Variants in RTN4RL1 observed in about 807,000 individuals in gnomAD.
RTN4RL1 encodes reticulon 4 receptor like 1, also known as reticulon-4 receptor-like 1.
In RTN4RL1, 7 loss-of-function variants were observed where a neutral mutation model predicts 25.6. The ratio of observed to expected loss-of-function variants is 0.27; its 90% CI spans 0.16 to 0.51. The LOEUF is 0.51. RTN4RL1 is among the 20% of genes least tolerant of loss of function. RTN4RL1 has a pLI of 0.97. For synonymous variants in RTN4RL1, 297 were observed against 288.2 expected (o/e 1.03, Z -0.31); for missense variants, 500 against 615.6 (o/e 0.81, Z 1.99).
intron 1 of RTN4RL1, among the ~76,000 whole-genome samples, chr17:1,952,336 T>G (rs139391595): frequency 0.45 from 65,489 of 145,094 alleles, 15,649 homozygotes; most frequent in Middle Eastern, 0.59. Flanking sequence ...AGGTTGGTTT[T>G]TTTTTTTTTT....
At chr17:1,995,940 G>A (rs956525130) in intron 1 of RTN4RL1, among the ~76,000 whole-genome samples, 1 of 152,186 alleles carries the variant, frequency 6.6e-6, no homozygotes. Context: ...CAACAGGCCC[G>A]CTTAGAGGCA....
chr17:1,975,161 A>C (rs143026925), intron 1 of RTN4RL1, among the ~76,000 whole-genome samples: 2 of 152,310 alleles, frequency 1.3e-5, no homozygotes, highest in Non-Finnish European at 2.9e-5. Context: ...TGGTACAGGG[A>C]GCCGAGGAAA....
chr17:1,979,331 C>T (rs1210333657), intron 1 of RTN4RL1, among the ~76,000 whole-genome samples: 15 of 151,288 alleles, frequency 9.9e-5, no homozygotes, highest in Admixed American at 9.9e-4. Context: ...CAAAAAATTA[C>T]CCAGGCATGG....
At chr17:2,014,555 G>C (rs1283367127) in intron 1 of RTN4RL1, among the ~76,000 whole-genome samples, 1 of 152,186 alleles carries the variant, frequency 6.6e-6, no homozygotes, top group East Asian at 1.9e-4. Flanking sequence ...ATTCAGGCTG[G>C]GCACGGTGGC....
rs973251717 is a variant in RTN4RL1 at position 1,985,846 on chromosome 17, A to G, written c.13+39007T>C. ...GAAGTGTGGAATCTCTGCAATTTGCATTTCATCACTGTAAATCACAGGGTT... is the reference window on the plus strand; with the variant it reads ...GAAGTGTGGAATCTCTGCAATTTGCGTTTCATCACTGTAAATCACAGGGTT... On this transcript the variant is annotated intron_variant, in intron 1 of 1. Coordinates refer to ENST00000331238, the MANE Select transcript of RTN4RL1 (RefSeq NM_178568.4). Among the ~76,000 whole-genome samples the G allele has an allele frequency of 2.0e-5, 3 of 152,166 alleles. 1 individual carries two copies. Among genetic ancestry groups the G allele is most frequent in the East Asian group, 3.9e-4 (2 of 5,162 alleles).
chr17:2,015,966 G>T (rs1470643620), intron 1 of RTN4RL1, among the ~76,000 whole-genome samples: 1 of 152,198 alleles, frequency 6.6e-6, no homozygotes, highest in Non-Finnish European at 1.5e-5. Flanking sequence ...AGCTGGAGGG[G>T]CGGCCAGGGT....
At chr17:1,941,704 G>A (rs1915441897) in intron 1 of RTN4RL1, among the ~76,000 whole-genome samples, 2 of 152,132 alleles carry the variant, frequency 1.3e-5, no homozygotes, top group South Asian at 4.1e-4. Flanking sequence ...AGGCACCCCT[G>A]CCCCTCCTCC....
chr17:1,978,633 T>TG (rs35569086), intron 1 of RTN4RL1, among the ~76,000 whole-genome samples: 60,547 of 145,524 alleles, frequency 0.42, 12,080 homozygotes, highest in African/African-American at 0.46. Context: ...ATCCGGAAAA[T>TG]GGGGGGGGTG....
chr17:1,964,603 G>A (rs1412778831), intron 1 of RTN4RL1, among the ~76,000 whole-genome samples: 1 of 151,680 alleles, frequency 6.6e-6, no homozygotes, highest in African/African-American at 2.4e-5. Flanking sequence ...GTGGTGGCGG[G>A]CGCCTGTAGT....
intron 1 of RTN4RL1, among the ~76,000 whole-genome samples, chr17:1,962,457 A>G: frequency 6.6e-6 from 1 of 151,540 alleles, no homozygotes; most frequent in African/African-American, 2.4e-5. Flanking sequence ...TCCCGGGTTC[A>G]AGTGATTCTC....
intron 1 of RTN4RL1, among the ~76,000 whole-genome samples, chr17:1,945,111 C>T (rs1384103196): frequency 1.3e-5 from 2 of 152,166 alleles, no homozygotes; most frequent in Non-Finnish European, 2.9e-5. Flanking sequence ...CTGCCTGGAG[C>T]GCTTCCCAGG....
chr17:1,945,543 G>T (rs1915519567), intron 1 of RTN4RL1, among the ~76,000 whole-genome samples: 1 of 151,956 alleles, frequency 6.6e-6, no homozygotes, highest in Admixed American at 6.6e-5. Context: ...TAGAGATGGG[G>T]TTTCACTATG....
rs925027876 is a variant in RTN4RL1 at position 1,935,857 on chromosome 17, G to T, written c.*639C>A. On this transcript the variant is annotated 3_prime_UTR_variant, in exon 2 of 2. Transcript: ENST00000331238. The stretch of plus-strand genomic sequence containing the variant: ...GAAGTTCTAGATTTCAGCCTCTGAT[G>T]ATCTTTCCTTTGGTAATTGGTTCTT... The T allele has an allele frequency of 1.0e-6, 1 of 985,064 alleles. No individual in the cohort carries two copies. The highest frequency in any genetic ancestry group is 1.2e-6 in the Non-Finnish European group (1 of 829,734). The allele number at this position is 985,064 out of a possible 1,614,324, so 61.0% of individuals were successfully genotyped here.
intron 1 of RTN4RL1, among the ~76,000 whole-genome samples, chr17:1,965,402 G>A (rs865790872): frequency 1.3e-5 from 2 of 152,290 alleles, no homozygotes; most frequent in Non-Finnish European, 1.5e-5. Context: ...ATGAGCCACT[G>A]CGCCCAGTCC....
At chr17:2,021,666 T>C (rs1279218173) in intron 1 of RTN4RL1, among the ~76,000 whole-genome samples, 1 of 147,992 alleles carries the variant, frequency 6.8e-6, no homozygotes, top group Non-Finnish European at 1.5e-5. Flanking sequence ...GCAATTCTCC[T>C]GCCTCAACTT....
chr17:1,937,235 A>G lies in RTN4RL1; in HGVS notation c.587T>C (p.Leu196Pro), dbSNP rs1188658733. 3 of 1,612,236 alleles carry G rather than the reference A, an allele frequency of 1.9e-6. No individual in the cohort carries two copies. Among genetic ancestry groups the G allele is most frequent in the Non-Finnish European group, 2.5e-6 (3 of 1,179,878 alleles). The part of the protein sequence containing the change: ...WSLGPGTFRG[L>P]VNLDRLLLHE... ...CAGCAAAAGACGGTCCAGGTTCACCAGGCCCCGGAAGGTGCCCGGGCCCAG... is the reference window on the plus strand; with the variant it reads ...CAGCAAAAGACGGTCCAGGTTCACCGGGCCCCGGAAGGTGCCCGGGCCCAG... Residue 196 changes from leucine to proline, a missense_variant, in exon 2 of 2, where the codon CTG (leucine) becomes CCG (proline). Leu to Pro is a moderately conservative substitution (Grantham distance 98). This residue lies in a region of RTN4RL1 where 232 missense variants were observed against 341.1 expected (regional missense o/e 0.68). Transcript: ENST00000331238.
At chr17:2,020,287 T>C (rs1318862111) in intron 1 of RTN4RL1, 4 of 152,186 alleles carry the variant, frequency 2.6e-5, no homozygotes, top group African/African-American at 7.2e-5. Context: ...AAAGAGTATC[T>C]TGGCCGTGCA....
intron 1 of RTN4RL1, among the ~76,000 whole-genome samples, chr17:1,999,610 C>T (rs1431724345): frequency 2.6e-5 from 4 of 152,072 alleles, no homozygotes; most frequent in Non-Finnish European, 4.4e-5. Flanking sequence ...GAACATCCAG[C>T]CTCTTCTTCC....
chr17:1,982,302 A>G (rs899908684), intron 1 of RTN4RL1, among the ~76,000 whole-genome samples: 1 of 147,156 alleles, frequency 6.8e-6, no homozygotes, highest in Non-Finnish European at 1.5e-5. Flanking sequence ...CTTTGTCTCA[A>G]AAAGAAAAGA....
Sources: allele counts gnomAD v4.1 joint callset (sites outside exome capture counted in the v4.1 genomes callset), GRCh38; gene constraint gnomAD v4.1.1; regional missense constraint gnomAD v4.1.1; transcripts MANE v1.5; gene names NCBI Gene and HGNC (gene_info 2026-07-23, HGNC 2026-07-21).